The following CCNY variants were observed in gnomAD, a reference collection of about 807,000 sequenced individuals.
The protein encoded by CCNY is cyclin Y, also known as cyclin-Y.
A neutral mutation model predicts 42.8 loss-of-function variants in CCNY; 19 were observed. The ratio of observed to expected loss-of-function variants is 0.44; its 90% CI spans 0.31 to 0.65. The LOEUF (loss-of-function observed/expected upper bound fraction) is 0.65. Ranked by LOEUF, CCNY falls within the 30% of genes least tolerant of loss-of-function variation. The pLI is 0.07. For synonymous variants in CCNY, 165 were observed against 162.7 expected, an observed-to-expected ratio of 1.01 and a Z score of -0.11; for missense variants, 370 against 437.3, an observed-to-expected ratio of 0.85 and a Z score of 1.37.
intron 1 of CCNY, among the ~76,000 whole-genome samples, chr10:35,415,875 C>G (rs894781439): frequency 6.6e-6 from 1 of 152,194 alleles, no homozygotes; most frequent in African/African-American, 2.4e-5. Context: ...GGTGGCAGTG[C>G]CCGCTCTGAC....
chr10:35,375,314 G>A (rs2135182349), intron 1 of CCNY, among the ~76,000 whole-genome samples: 1 of 152,188 alleles, frequency 6.6e-6, no homozygotes, highest in East Asian at 1.9e-4. Flanking sequence ...CACATTCCTT[G>A]GCTTCAGGCC....
intron 1 of CCNY, among the ~76,000 whole-genome samples, chr10:35,356,944 TG>T (rs1461265785): frequency 1.3e-5 from 2 of 152,134 alleles, no homozygotes; most frequent in African/African-American, 4.8e-5. Flanking sequence ...GTCCCCTGCC[TG>T]CCATGTAAAC....
At chr10:35,349,693 A>G (rs1431855035) in intron 1 of CCNY, among the ~76,000 whole-genome samples, 1 of 152,142 alleles carries the variant, frequency 6.6e-6, no homozygotes, top group Non-Finnish European at 1.5e-5. Flanking sequence ...TGTTGACATT[A>G]GGGGGGGCTG....
At chr10:35,298,566 A>G (rs1835497836) in intron 3 of CCNY, among the ~76,000 whole-genome samples, 1 of 152,154 alleles carries the variant, frequency 6.6e-6, no homozygotes, top group South Asian at 2.1e-4. Context: ...CTCAGGCTGG[A>G]GTACAGTGGC....
intron 1 of CCNY, among the ~76,000 whole-genome samples, chr10:35,467,430 C>G (rs553351845): frequency 4.9e-4 from 74 of 151,822 alleles, no homozygotes; most frequent in Non-Finnish European, 9.8e-4. Context: ...TGTGACAACT[C>G]CACACATTGC....
intron 1 of CCNY, among the ~76,000 whole-genome samples, chr10:35,362,924 G>C (rs1589061945): frequency 6.6e-6 from 1 of 151,612 alleles, no homozygotes; most frequent in Non-Finnish European, 1.5e-5. Flanking sequence ...GGACAGAGGC[G>C]ATCCTCACTT....
At position 35,537,457 on chromosome 10, in the gene CCNY, C is replaced by T. The variant is rs1008386219; in HGVS notation, c.579+7214C>T. ...AGATCCACCAGCAGCTTGCACCATG[C>T]ACCTGGAAAAATTGCAGACACTCAA... On this transcript the variant is annotated intron_variant, in intron 7 of 9. Transcript: ENST00000374704. 3.3e-5 allele frequency among the ~76,000 whole-genome samples: 5 copies of T among 152,182 alleles called. No homozygotes were observed. In the East Asian group the frequency reaches 5.8e-4, roughly 18 times the overall value.
chr10:35,422,779 G>A (rs3013358), intron 1 of CCNY, among the ~76,000 whole-genome samples: 12,398 of 152,156 alleles, frequency 0.081, 930 homozygotes, highest in African/African-American at 0.2. Flanking sequence ...AATCTTTTTA[G>A]CATTAGTTAC....
At chr10:35,286,999 C>A (rs1264759357) in intron 3 of CCNY, among the ~76,000 whole-genome samples, 1 of 152,140 alleles carries the variant, frequency 6.6e-6, no homozygotes, top group African/African-American at 2.4e-5. Context: ...AAAAGAGCAA[C>A]CTCTTAGCTG....
intron 1 of CCNY, among the ~76,000 whole-genome samples, chr10:35,481,497 G>T (rs1839668686): frequency 1.3e-5 from 2 of 152,162 alleles, no homozygotes; most frequent in African/African-American, 4.8e-5. Flanking sequence ...ATGTATTTTA[G>T]TAATAAAAGT....
rs887194130 is a variant in CCNY at position 35,407,218 on chromosome 10, C to T, written c.154+70011C>T. On this transcript the variant is annotated intron_variant, in intron 1 of 9. Coordinates refer to ENST00000374704, the MANE Select transcript of CCNY (RefSeq NM_145012.6). ...GCTAGTCATGGAACGAAACTGTAAA[C>T]CAGACTGGGTGTGGGGAAGGGAGGT... is the stretch of plus-strand genomic sequence containing the variant. 3.3e-5 allele frequency among the ~76,000 whole-genome samples: 5 copies of T among 152,098 alleles called. 1 individual carries two copies. Among genetic ancestry groups the T allele is most frequent in the African/African-American group, 1.2e-4 (5 of 41,454 alleles).
intron 3 of CCNY, among the ~76,000 whole-genome samples, chr10:35,292,615 C>T (rs929424398): frequency 6.6e-6 from 1 of 152,068 alleles, no homozygotes; most frequent in African/African-American, 2.4e-5. Flanking sequence ...CCCTCCTCAG[C>T]CTCCCAAAGT....
chr10:35,501,426 G>A (rs1589162926), intron 2 of CCNY, 75 bp from the exon 3 acceptor site: 2 of 1,257,852 alleles, frequency 1.6e-6, no homozygotes, highest in East Asian at 2.3e-5. Context: ...CGACACAGAG[G>A]CCCAGTCCTC....
chr10:35,384,294 G>A (rs1265602833), intron 1 of CCNY, among the ~76,000 whole-genome samples: 1 of 152,142 alleles, frequency 6.6e-6, no homozygotes, highest in South Asian at 2.1e-4. Context: ...TATTCAAAGG[G>A]GAAAAGCAGG....
Position 35,373,964 on chromosome 10 carries a change from G to T in CCNY, c.154+36757G>T, listed in dbSNP as rs112381192. 3.4e-3 allele frequency among the ~76,000 whole-genome samples: 513 copies of T among 151,342 alleles called. 4 individuals are homozygous for T. The highest frequency in any genetic ancestry group is 0.012 in the African/African-American group (483 of 41,476). Reference sequence around the variant, plus strand: ...GCCCCATACAAATAACTTTTTTCATGTTAATTGCATAGAAGGAAGTATCAT... The same window carrying T: ...GCCCCATACAAATAACTTTTTTCATTTTAATTGCATAGAAGGAAGTATCAT... On this transcript the variant is annotated intron_variant, in intron 1 of 9. Transcript: ENST00000374704.
In CCNY at chr10:35,425,560, G is replaced by C. The variant is rs1403744180; in HGVS notation, c.155-57844G>C. 2.6e-5 allele frequency among the ~76,000 whole-genome samples: 4 copies of C among 152,328 alleles called. No individual in the cohort carries two copies. In the East Asian group the frequency reaches 7.7e-4, roughly 29 times the overall value. On this transcript the variant is annotated intron_variant, in intron 1 of 9. Coordinates refer to ENST00000374704, the MANE Select transcript of CCNY (RefSeq NM_145012.6). Reference sequence around the variant, plus strand: ...ATATGGCTTAAAATGAATTTTGTAAGTGTGAATATGGAAAGGTATCCAAAA... The same window carrying C: ...ATATGGCTTAAAATGAATTTTGTAACTGTGAATATGGAAAGGTATCCAAAA...
chr10:35,554,903 G>GTTTT (rs1841331921), intron 8 of CCNY, among the ~76,000 whole-genome samples: 1 of 152,166 alleles, frequency 6.6e-6, no homozygotes. Flanking sequence ...TTAGAGGTGT[G>GTTTT]GAGGAGATGC....
intron 1 of CCNY, among the ~76,000 whole-genome samples, chr10:35,409,626 C>A (rs928223143): frequency 2.0e-5 from 3 of 152,048 alleles, no homozygotes; most frequent in African/African-American, 4.8e-5. Flanking sequence ...TAATTTAAAC[C>A]GTGATTTACA....
At chr10:35,309,382 G>A (rs1835653982) in intron 3 of CCNY, among the ~76,000 whole-genome samples, 1 of 152,170 alleles carries the variant, frequency 6.6e-6, no homozygotes, top group Non-Finnish European at 1.5e-5. Context: ...GAATCTACCT[G>A]GGAGGCTTGT....
Sources: allele counts gnomAD v4.1 joint callset (sites outside exome capture counted in the v4.1 genomes callset), GRCh38; gene constraint gnomAD v4.1.1; transcripts MANE v1.5; gene names NCBI Gene and HGNC (gene_info 2026-07-23, HGNC 2026-07-21).